Variants in PHF6 observed in about 807,000 individuals in gnomAD.
PHF6 encodes the protein PHD finger protein 6.
A neutral mutation model predicts 34.0 loss-of-function variants in PHF6; 7 were observed. That is an observed-to-expected ratio of 0.21 (90% CI 0.12 to 0.39). PHF6 has a LOEUF of 0.39. PHF6 is among the 10% of genes least tolerant of loss of function. The probability of loss-of-function intolerance (pLI) is 1.00; values close to 1 mark genes in which losing one functional copy is unlikely to be tolerated. For missense variants in PHF6, 128 were observed against 262.8 expected, an observed-to-expected ratio of 0.49 and a Z score of 3.55; for synonymous variants, 89 against 88.4, an observed-to-expected ratio of 1.01 and a Z score of -0.04.
In PHF6 at chrX:134,377,745, A is replaced by G. The variant is rs1273843884; in HGVS notation, c.128A>G (p.His43Arg). The change falls in exon 2 of 11, where the codon CAT (histidine) becomes CGT (arginine). Residue 43 changes from histidine to arginine, a missense_variant. This residue lies in a region of PHF6 where 97 missense variants were observed against 152.9 expected (regional missense o/e 0.63). Transcript: ENST00000370803. ...ISENQKVAAH[H>R]KCMLFSSALV... ...GAAAACCAGAAGGTGGCAGCGCACC[A>G]TAAGTGCATGGTAAGTATACCGGCA... is the stretch of plus-strand genomic sequence containing the variant. The G allele has an allele frequency of 2.5e-6, 3 of 1,210,092 alleles. No homozygotes were observed. Among genetic ancestry groups the G allele is most frequent in the Admixed American group, 2.2e-5 (1 of 45,959 alleles).
Position 134,406,556 on chromosome X carries a change from C to G in PHF6, c.419-6935C>G, listed in dbSNP as rs187554896. 5.4e-5 allele frequency among the ~76,000 whole-genome samples: 6 copies of G among 111,443 alleles called. No individual in the cohort carries two copies. In the East Asian group the frequency reaches 1.7e-3, roughly 32 times the overall value. On this transcript the variant is annotated intron_variant, in intron 5 of 10. Transcript: ENST00000370803. ...AAGGGACAGACAGGGCTTTACAATA[C>G]TAGGAAGAGAGTTGGTGTCCTGGTA...
intron 5 of PHF6, among the ~76,000 whole-genome samples, chrX:134,397,786 G>A (rs1237895196): frequency 8.9e-6 from 1 of 112,093 alleles, no homozygotes; most frequent in Admixed American, 9.5e-5. Context: ...AGGCCTGTTA[G>A]GTAATTGGAG....
chrX:134,428,770 A>G lies in PHF6; in HGVS notation c.*3110A>G. ...TATTCTTGCATATACTATTCATTCAATAAATGACTTATGACTTTCATATTT... is the reference window on the plus strand; with the variant it reads ...TATTCTTGCATATACTATTCATTCAGTAAATGACTTATGACTTTCATATTT... On this transcript the variant is annotated 3_prime_UTR_variant, in exon 11 of 11. Coordinates refer to ENST00000370803, the MANE Select transcript of PHF6 (RefSeq NM_001015877.2). 1 of 136,088 alleles carries G rather than the reference A, an allele frequency of 7.3e-6. No homozygotes were observed. Among genetic ancestry groups the G allele is most frequent in the Non-Finnish European group, 1.5e-5 (1 of 66,181 alleles). The allele number at this position is 136,088 out of a possible 1,213,427, so 11.2% of individuals were successfully genotyped here.
At chrX:134,391,011 T>G (rs1253393570) in intron 3 of PHF6, among the ~76,000 whole-genome samples, 4 of 106,615 alleles carry the variant, frequency 3.8e-5, no homozygotes. Flanking sequence ...TTTCACTCTT[T>G]TTGCCCAGGC....
intron 9 of PHF6, among the ~76,000 whole-genome samples, chrX:134,420,617 G>A (rs1006167655): frequency 4.6e-5 from 5 of 109,040 alleles, no homozygotes; most frequent in Admixed American, 1.9e-4. Context: ...TGGGGAGACA[G>A]GGTCTCACTC....
rs1414262517 is a variant in PHF6, at chrX:134,391,557, CCT to C, written c.241-1939_241-1938del. Among the ~76,000 whole-genome samples the C allele has an allele frequency of 4.5e-5, 5 of 110,806 alleles. No homozygotes were observed. In the South Asian group the frequency reaches 1.1e-3, roughly 25 times the overall value. On this transcript the variant is annotated intron_variant, in intron 3 of 10. Transcript: ENST00000370803. ...GCTCAATATAGTATTTTAAATGGCA[CCT>C]CTCTTTTCAGTTTTGCTCGCTAATT...
Position 134,409,009 on chromosome X carries a change from G to A in PHF6, c.419-4482G>A, listed in dbSNP as rs756684401. ...GATTACAGGCCTGAGCTACCGCACCGGCCCCAATTTATTTCTTTTAACTTA... is the reference window on the plus strand; with the variant it reads ...GATTACAGGCCTGAGCTACCGCACCAGCCCCAATTTATTTCTTTTAACTTA... On this transcript the variant is annotated intron_variant, in intron 5 of 10. Coordinates refer to ENST00000370803, the MANE Select transcript of PHF6 (RefSeq NM_001015877.2). Among the ~76,000 whole-genome samples, 14 of 111,925 alleles carry A rather than the reference G, an allele frequency of 1.3e-4. No individual in the cohort carries two copies. In the South Asian group the frequency reaches 4.8e-3, roughly 39 times the overall value.
chrX:134,414,316 C>T (rs2077463272), intron 7 of PHF6, among the ~76,000 whole-genome samples: 1 of 111,226 alleles, frequency 9.0e-6, no homozygotes, highest in Admixed American at 9.7e-5. Context: ...TTCACTATAA[C>T]CTAATAATTA....
At chrX:134,386,757 T>C (rs2077333518) in intron 3 of PHF6, among the ~76,000 whole-genome samples, 1 of 111,900 alleles carries the variant, frequency 8.9e-6, no homozygotes, top group Non-Finnish European at 1.9e-5. Context: ...TATGGACCAT[T>C]GCCTTGTGTC....
intron 9 of PHF6, among the ~76,000 whole-genome samples, chrX:134,424,796 G>A (rs763755698): frequency 4.5e-5 from 5 of 112,246 alleles, no homozygotes; most frequent in African/African-American, 1.3e-4. Context: ...GCAGAAGGCA[G>A]CAGTATAGAT....
intron 9 of PHF6, chrX:134,419,777 C>G (rs918845347): frequency 9.0e-6 from 1 of 111,599 alleles, no homozygotes; most frequent in Admixed American, 9.5e-5. Context: ...ATGTTCCCCT[C>G]TAATTGAGAA....
At chrX:134,418,674 T>C (rs1420601086) in intron 9 of PHF6, 1 of 111,794 alleles carries the variant, frequency 8.9e-6, no homozygotes, top group Non-Finnish European at 1.9e-5. Flanking sequence ...GTGAGTTCTA[T>C]AAAGCCTTTA....
At chrX:134,414,926 G>A (rs1459637220) in intron 7 of PHF6, 90 bp from the exon 8 acceptor site, 7 of 707,148 alleles carry the variant, frequency 9.9e-6, no homozygotes, top group South Asian at 8.1e-5. Flanking sequence ...ATCTTTCTTC[G>A]GAAATTAAAT....
Position 134,393,663 on chromosome X carries a change from T to C in PHF6, c.374+29T>C, listed in dbSNP as rs777416831. On this transcript the variant is annotated intron_variant, in intron 4 of 10. Transcript: ENST00000370803. Reference sequence around the variant, plus strand: ...ATTATTTAACTTCTCTTTAAGTTTTTTTTTTAACAATAATACTTTCTTTGG... The same window carrying C: ...ATTATTTAACTTCTCTTTAAGTTTTCTTTTTAACAATAATACTTTCTTTGG... 6 of 1,158,189 alleles carry C rather than the reference T, an allele frequency of 5.2e-6. No homozygotes were observed. In the South Asian group the frequency reaches 1.1e-4, roughly 22 times the overall value.
chrX:134,416,731 A>G (rs2077473715), intron 8 of PHF6, among the ~76,000 whole-genome samples: 1 of 112,137 alleles, frequency 8.9e-6, no homozygotes, highest in African/African-American at 3.2e-5. Flanking sequence ...AAAAGATTTC[A>G]GCCCCTTTAG....
chrX:134,381,495 A>ATT (rs72244870), intron 3 of PHF6, among the ~76,000 whole-genome samples: 3 of 95,764 alleles, frequency 3.1e-5, no homozygotes, highest in Admixed American at 1.1e-4. Flanking sequence ...CCTAATTGAC[A>ATT]TTTTTTTTTT....
At chrX:134,377,791 A>G (rs1403509384) in intron 2 of PHF6, 36 bp downstream of exon 2, 8 of 1,182,091 alleles carry the variant, frequency 6.8e-6, no homozygotes, top group Non-Finnish European at 6.9e-6. Context: ...CCTTGAAACG[A>G]TTCATGAGAC....
At chrX:134,390,601 G>A (rs1242442062) in intron 3 of PHF6, among the ~76,000 whole-genome samples, 3 of 111,901 alleles carry the variant, frequency 2.7e-5, no homozygotes, top group Admixed American at 1.9e-4. Context: ...ACTGAGAGAC[G>A]GGTATTGAAA....
intron 9 of PHF6, chrX:134,419,089 C>T (rs192936331): frequency 1.6e-4 from 18 of 111,451 alleles, no homozygotes; most frequent in African/African-American, 5.5e-4. Context: ...TGGGCTCAAG[C>T]GTTCTCCCTG....
Sources: gnomAD v4.1 joint callset for allele counts (sites outside exome capture counted in the v4.1 genomes callset) on GRCh38, gnomAD v4.1.1 for gene constraint, gnomAD v4.1.1 regional missense constraint, MANE v1.5 for transcripts, NCBI Gene and HGNC (gene_info 2026-07-23, HGNC 2026-07-21) for gene names.